The following TPM1 variants were observed in gnomAD, a reference collection of about 807,000 sequenced individuals.
The protein encoded by TPM1 is tropomyosin 1.
A neutral mutation model predicts 42.9 loss-of-function variants in TPM1; 24 were observed. The observed-to-expected ratio is 0.56, with a 90% confidence interval of 0.41 to 0.79. The LOEUF (loss-of-function observed/expected upper bound fraction) is 0.79, where lower values mean the gene tolerates loss of function less well. TPM1 is among the 30% of genes least tolerant of loss of function. TPM1 has a pLI of 0.00. For missense variants in TPM1, 158 were observed against 351.8 expected (o/e 0.45, Z 4.41); for synonymous variants, 136 against 130.1 (o/e 1.05, Z -0.31).
At chr15:63,048,444 C>A (rs763145892) in intron 2 of TPM1, 13 of 1,353,216 alleles carry the variant, frequency 9.6e-6, no homozygotes, top group Non-Finnish European at 1.1e-5. Flanking sequence ...CAGGGGGCGC[C>A]GCCATCGCAC....
intron 8 of TPM1, chr15:63,062,984 A>C (rs2035853929): frequency 1.5e-6 from 2 of 1,379,086 alleles, no homozygotes; most frequent in Non-Finnish European, 1.9e-6. Flanking sequence ...TTACTTCCTA[A>C]TTAAATTGGG....
chr15:63,065,577 G>T, intron 9 of TPM1: 1 of 984,976 alleles, frequency 1.0e-6, no homozygotes, highest in Non-Finnish European at 1.2e-6. Context: ...GTGCTAAAAT[G>T]TGGTGATTCT....
At chr15:63,053,538 T>C (rs2034272936) in intron 2 of TPM1, among the ~76,000 whole-genome samples, 1 of 152,144 alleles carries the variant, frequency 6.6e-6, no homozygotes, top group South Asian at 2.1e-4. Flanking sequence ...GCCGCCTGTT[T>C]CTAGTCAAGA....
At chr15:63,070,821 A>G, downstream of TPM1, 1 of 1,258,794 alleles carries the variant, frequency 7.9e-7, no homozygotes, top group Non-Finnish European at 1.0e-6. Context: ...ACCTTCACCA[A>G]ACCCCACGTG....
At chr15:63,049,896 C>G (rs185299236) in intron 2 of TPM1, among the ~76,000 whole-genome samples, 1 of 152,214 alleles carries the variant, frequency 6.6e-6, no homozygotes, top group African/African-American at 2.4e-5. Context: ...AATTCCGACT[C>G]CCTTACTCGC....
At chr15:63,052,730 GA>G (rs1428977221) in intron 2 of TPM1, among the ~76,000 whole-genome samples, 1 of 151,210 alleles carries the variant, frequency 6.6e-6, no homozygotes, top group African/African-American at 2.4e-5. Flanking sequence ...GTGCCATGAT[GA>G]AAAGAACCTT....
At chr15:63,065,223 T>C in intron 9 of TPM1, 2 of 986,326 alleles carry the variant, frequency 2.0e-6, no homozygotes, top group Non-Finnish European at 1.2e-6. Flanking sequence ...ACAACTAATT[T>C]ACATATTACT....
chr15:63,047,547 A>T (rs1204601193), intron 2 of TPM1: 1 of 152,216 alleles, frequency 6.6e-6, no homozygotes, highest in Non-Finnish European at 1.5e-5. Context: ...CCAGCCCAGG[A>T]CTGACTGGAT....
At chr15:63,071,712 A>G (rs1196805947) in exon 9 of TPM1, 8 of 169,300 alleles carry the variant, frequency 4.7e-5, no homozygotes, top group Non-Finnish European at 1.0e-4. Context: ...CGAGACTTCC[A>G]TTCCTTTCTG....
chr15:63,061,643 CCTCTCCTTTTT>C, intron 5 of TPM1, 59 bp from the exon 6 acceptor site: 1 of 1,428,734 alleles, frequency 7.0e-7, no homozygotes, highest in South Asian at 1.1e-5. Flanking sequence ...TTTTCCCATC[CCTCTCCTTTTT>C]CTCTCCTCCT....
chr15:63,048,345 A>G, intron 2 of TPM1: 1 of 1,172,292 alleles, frequency 8.5e-7, no homozygotes, highest in Non-Finnish European at 1.1e-6. Context: ...CCCGGGATCC[A>G]CGGCGCGCGC....
intron 2 of TPM1, chr15:63,048,485 G>A (rs1003456364): frequency 7.0e-7 from 1 of 1,432,428 alleles, no homozygotes; most frequent in South Asian, 1.4e-5. Flanking sequence ...GACCGGCGCT[G>A]GGCAGCCAGG....
At chr15:63,052,854 A>G (rs1241253801) in intron 2 of TPM1, among the ~76,000 whole-genome samples, 1 of 152,214 alleles carries the variant, frequency 6.6e-6, no homozygotes, top group Non-Finnish European at 1.5e-5. Flanking sequence ...ATCAGAATAA[A>G]AAGTAAAAAT....
At chr15:63,069,543 T>G (rs1380876359), downstream of TPM1, among the ~76,000 whole-genome samples, 2 of 152,192 alleles carry the variant, frequency 1.3e-5, no homozygotes, top group African/African-American at 4.8e-5. Context: ...CCAGAAACCA[T>G]GTATGGCTCA....
intron 4 of TPM1, chr15:63,059,903 GA>G (rs994698056): frequency 5.1e-6 from 2 of 388,614 alleles, no homozygotes; most frequent in African/African-American, 4.2e-5. Flanking sequence ...GCACTGCGAA[GA>G]AGGACCAAAA....
chr15:63,062,070 G>C, intron 6 of TPM1, 145 bp from the exon 7 acceptor site: 1 of 761,122 alleles, frequency 1.3e-6, no homozygotes, highest in Non-Finnish European at 2.3e-6. Flanking sequence ...AGAATGTATT[G>C]CAGTGTGCCA....
chr15:63,052,310 G>A (rs568518935), intron 2 of TPM1, among the ~76,000 whole-genome samples: 2 of 152,188 alleles, frequency 1.3e-5, no homozygotes, highest in Non-Finnish European at 2.9e-5. Context: ...ATCACCTGAG[G>A]TCAGCAGTTC....
chr15:63,052,804 G>T (rs2034149835), intron 2 of TPM1, among the ~76,000 whole-genome samples: 2 of 151,998 alleles, frequency 1.3e-5, no homozygotes. Flanking sequence ...AGCTAGTAAA[G>T]GTGAGAGGTG....
At chr15:63,063,904 C>A in intron 8 of TPM1, 160 bp from the exon 9 acceptor site, 1 of 909,292 alleles carries the variant, frequency 1.1e-6, no homozygotes, top group South Asian at 1.9e-5. Flanking sequence ...ACAAAACGCA[C>A]GCCTCCTGCA....
Sources: gnomAD v4.1 joint callset for allele counts (sites outside exome capture counted in the v4.1 genomes callset) on GRCh38, gnomAD v4.1.1 for gene constraint, MANE v1.5 for transcripts, NCBI Gene and HGNC (gene_info 2026-07-23, HGNC 2026-07-21) for gene names.